The following BMP6 variants were observed in gnomAD, a reference collection of about 807,000 sequenced individuals.
BMP6 encodes the protein VG-1-R.
BMP6 carries 17 observed loss-of-function variants against 54.1 expected under a neutral mutation model. The observed-to-expected ratio is 0.31, with a 90% confidence interval of 0.22 to 0.47. The LOEUF is 0.47. BMP6 is among the 20% of genes least tolerant of loss of function. The pLI is 1.00. For synonymous variants in BMP6, 328 were observed against 291.2 expected (o/e 1.13, Z -1.28); for missense variants, 720 against 690.4 (o/e 1.04, Z -0.48).
At chr6:7,747,576 C>G (rs1757366028) in intron 1 of BMP6, among the ~76,000 whole-genome samples, 1 of 152,172 alleles carries the variant, frequency 6.6e-6, no homozygotes, top group Non-Finnish European at 1.5e-5. Context: ...GGAAACATAT[C>G]CTCCCTCTTC....
intron 1 of BMP6, among the ~76,000 whole-genome samples, chr6:7,751,464 C>T (rs372754275): frequency 6.6e-6 from 1 of 152,190 alleles, no homozygotes; most frequent in Non-Finnish European, 1.5e-5. Context: ...CTTCCACTAG[C>T]CCATGCACCT....
intron 1 of BMP6, among the ~76,000 whole-genome samples, chr6:7,786,742 A>C (rs1758026005): frequency 6.6e-6 from 1 of 152,068 alleles, no homozygotes; most frequent in Non-Finnish European, 1.5e-5. Context: ...AAGAAGGAAA[A>C]ACTTGACTTA....
chr6:7,803,132 C>A (rs1758296992), intron 1 of BMP6, among the ~76,000 whole-genome samples: 1 of 152,144 alleles, frequency 6.6e-6, no homozygotes, highest in South Asian at 2.1e-4. Flanking sequence ...TTGGCCAGGG[C>A]AGGTCCCTTC....
chr6:7,788,488 C>G (rs375576531), intron 1 of BMP6, among the ~76,000 whole-genome samples: 2 of 152,168 alleles, frequency 1.3e-5, no homozygotes, highest in Non-Finnish European at 2.9e-5. Flanking sequence ...CGGGGGACCC[C>G]TCTGTATGTT....
chr6:7,861,161 T>TA (rs1316864706), intron 2 of BMP6, among the ~76,000 whole-genome samples: 33 of 150,994 alleles, frequency 2.2e-4, no homozygotes, highest in African/African-American at 7.8e-4. Flanking sequence ...AGATCTGTCA[T>TA]AAGCAGCACT....
chr6:7,845,071 T>A, intron 1 of BMP6, 69 bp from the exon 2 acceptor site: 1 of 1,391,630 alleles, frequency 7.2e-7, no homozygotes. Context: ...ACGGGGAAAC[T>A]GGTGAGGTAA....
At chr6:7,869,288 C>T (rs1466112646) in intron 4 of BMP6, among the ~76,000 whole-genome samples, 1 of 152,242 alleles carries the variant, frequency 6.6e-6, no homozygotes, top group Non-Finnish European at 1.5e-5. Context: ...CTGTCACTGG[C>T]CCATCATGGC....
intron 4 of BMP6, among the ~76,000 whole-genome samples, chr6:7,872,814 CTTTTTTTTTT>C (rs55666956): frequency 1.3e-4 from 17 of 133,838 alleles, no homozygotes; most frequent in African/African-American, 4.8e-4. Context: ...CTTTTTTTTT[CTTTTTTTTTT>C]TTTTTTGAGA....
intron 1 of BMP6, among the ~76,000 whole-genome samples, chr6:7,810,002 A>G (rs1355108466): frequency 6.6e-6 from 1 of 152,248 alleles, no homozygotes; most frequent in Non-Finnish European, 1.5e-5. Flanking sequence ...CTGCACAGCT[A>G]GAGAATGTTA....
chr6:7,748,106 G>A (rs954856825), intron 1 of BMP6, among the ~76,000 whole-genome samples: 3 of 152,202 alleles, frequency 2.0e-5, no homozygotes, highest in African/African-American at 4.8e-5. Flanking sequence ...GCTGGCATTT[G>A]ATTGGCAGGT....
At chr6:7,745,405 C>T (rs115188502) in intron 1 of BMP6, among the ~76,000 whole-genome samples, 1,608 of 152,280 alleles carry the variant, frequency 0.011, 28 homozygotes, top group African/African-American at 0.037. Context: ...TCCTGAGTAG[C>T]TGGGGCTACA....
chr6:7,830,147 C>T (rs1758771832), intron 1 of BMP6, among the ~76,000 whole-genome samples: 1 of 151,660 alleles, frequency 6.6e-6, no homozygotes, highest in African/African-American at 2.4e-5. Context: ...GCAAGAGCAC[C>T]CCCCCTCTCT....
At chr6:7,879,774 GC>G (rs1423507806) in intron 5 of BMP6, among the ~76,000 whole-genome samples, 1 of 152,194 alleles carries the variant, frequency 6.6e-6, no homozygotes, top group Non-Finnish European at 1.5e-5. Flanking sequence ...GGCCCTGTGG[GC>G]CTCTGCAAGG....
intron 1 of BMP6, among the ~76,000 whole-genome samples, chr6:7,773,254 G>A (rs1277125214): frequency 6.6e-6 from 1 of 152,204 alleles, no homozygotes; most frequent in Non-Finnish European, 1.5e-5. Context: ...GTACACACAT[G>A]TATACACAGC....
At chr6:7,809,183 T>G (rs930313787) in intron 1 of BMP6, among the ~76,000 whole-genome samples, 2 of 143,696 alleles carry the variant, frequency 1.4e-5, no homozygotes, top group Admixed American at 7.4e-5. Context: ...CTTTAAAAAC[T>G]TTGGGCTGGA....
At chr6:7,793,007 T>A (rs1236171432) in intron 1 of BMP6, among the ~76,000 whole-genome samples, 1 of 152,236 alleles carries the variant, frequency 6.6e-6, no homozygotes, top group African/African-American at 2.4e-5. Flanking sequence ...AGAAATAGAA[T>A]TTCTTTATTA....
intron 4 of BMP6, among the ~76,000 whole-genome samples, chr6:7,869,489 G>A (rs536268113): frequency 2.8e-4 from 43 of 152,358 alleles, no homozygotes; most frequent in African/African-American, 1.0e-3. Flanking sequence ...GCTGCCTGGG[G>A]ACATGGCTTC....
chr6:7,858,200 C>G (rs1412902033), intron 2 of BMP6, among the ~76,000 whole-genome samples: 3 of 152,188 alleles, frequency 2.0e-5, no homozygotes, highest in Admixed American at 1.3e-4. Flanking sequence ...CCTCTCGCCT[C>G]AGCTTCCCGA....
At chr6:7,742,053 T>C (rs768768107) in intron 1 of BMP6, among the ~76,000 whole-genome samples, 77 of 152,206 alleles carry the variant, frequency 5.1e-4, no homozygotes, top group Non-Finnish European at 9.1e-4. Flanking sequence ...TCATTACAAA[T>C]AACATCAAGC....
Sources: gnomAD v4.1 joint callset for allele counts (sites outside exome capture counted in the v4.1 genomes callset) on GRCh38, gnomAD v4.1.1 for gene constraint, MANE v1.5 for transcripts, NCBI Gene and HGNC (gene_info 2026-07-23, HGNC 2026-07-21) for gene names.